The following LIPC variants were observed in gnomAD, a reference collection of about 807,000 sequenced individuals.
LIPC encodes lipase C, hepatic type, also known as hepatic triacylglycerol lipase.
Under a neutral mutation model 50.7 loss-of-function variants are expected in LIPC, and 44 were observed. The observed-to-expected ratio is 0.87, with a 90% confidence interval of 0.68 to 1.11. The LOEUF (loss-of-function observed/expected upper bound fraction) is 1.11. Among genes scored for constraint, LIPC ranks in the 50% most tolerant of loss-of-function variants. The probability of loss-of-function intolerance (pLI) is 0.00; values close to 1 mark genes in which losing one functional copy is unlikely to be tolerated. For synonymous variants in LIPC, 271 were observed against 256.4 expected (o/e 1.06, Z -0.54); for missense variants, 697 against 648.2 (o/e 1.08, Z -0.82).
In LIPC at chr15:58,548,696, C is replaced by T; in HGVS notation, c.1051+124C>T. The T allele has an allele frequency of 2.3e-6, 3 of 1,313,762 alleles. No homozygotes were observed. In the Admixed American group the frequency reaches 6.0e-5, roughly 26 times the overall value. The allele number at this position is 1,313,762 out of a possible 1,614,324, so 81.4% of individuals were successfully genotyped here. ...CTCTGCTGTTGCGGTGTTTCTGAAA[C>T]TGTGCAGGCTCCAGACAGCAACGTT... On this transcript the variant is annotated intron_variant, in intron 6 of 8. Coordinates refer to ENST00000299022, the MANE Select transcript of LIPC (RefSeq NM_000236.3).
chr15:58,514,071 C>T (rs1281285091), intron 1 of LIPC, among the ~76,000 whole-genome samples: 1 of 152,178 alleles, frequency 6.6e-6, no homozygotes, highest in Non-Finnish European at 1.5e-5. Flanking sequence ...AGAATGACAA[C>T]AGAGTGGTAC....
rs6082 is a variant in LIPC, at chr15:58,545,758, A to G, written c.591A>G (p.Gly197=). The G allele has an allele frequency of 0.098, 158,113 of 1,613,402 alleles. 11,312 individuals carry two copies. The highest frequency in any genetic ancestry group is 0.44 in the East Asian group (19,640 of 44,852). The change falls in exon 5 of 9, where the codon GGA becomes GGG. Residue 197 remains glycine (G), a synonymous_variant. Coordinates refer to ENST00000299022, the MANE Select transcript of LIPC (RefSeq NM_000236.3). Reference sequence around the variant, plus strand: ...TCCCATTAGGGCTGGATGCCGCGGGACCTTTGTTTGAGGGAAGTGCCCCCA... The same window carrying G: ...TCCCATTAGGGCTGGATGCCGCGGGGCCTTTGTTTGAGGGAAGTGCCCCCA... The part of the protein sequence containing the change: ...IGRITGLDAA[G]PLFEGSAPSN...
At chr15:58,455,811 C>T (rs1457972800) in intron 1 of LIPC, among the ~76,000 whole-genome samples, 1 of 152,044 alleles carries the variant, frequency 6.6e-6, no homozygotes, top group Non-Finnish European at 1.5e-5. Flanking sequence ...ATGAAATGCA[C>T]AATATATGCA....
At chr15:58,523,405 C>A (rs1180006820) in intron 1 of LIPC, 1 of 152,196 alleles carries the variant, frequency 6.6e-6, no homozygotes, top group Non-Finnish European at 1.5e-5. Flanking sequence ...GAAGGTGCAA[C>A]TGAAGGCAAG....
chr15:58,533,163 A>T (rs1358109023), intron 1 of LIPC: 1 of 985,212 alleles, frequency 1.0e-6, no homozygotes, highest in Non-Finnish European at 1.2e-6. Context: ...TTCTGAAGAC[A>T]TGAGAAAAGC....
chr15:58,487,006 T>C (rs114123359), intron 1 of LIPC, among the ~76,000 whole-genome samples: 4 of 152,296 alleles, frequency 2.6e-5, no homozygotes, highest in African/African-American at 9.6e-5. Flanking sequence ...CCCTCCTGCG[T>C]GTGTACCTCA....
chr15:58,533,435 G>T (rs552958850), intron 1 of LIPC, among the ~76,000 whole-genome samples: 1 of 152,264 alleles, frequency 6.6e-6, no homozygotes, highest in African/African-American at 2.4e-5. Context: ...AGGATCACAC[G>T]TAAGGAACTG....
At chr15:58,567,344 T>C (rs190316834) in intron 8 of LIPC, among the ~76,000 whole-genome samples, 282 of 16,380 alleles carry the variant, frequency 0.017, 3 homozygotes, top group East Asian at 0.17. Flanking sequence ...TATATGTATA[T>C]GTATATATAT....
chr15:58,559,906 G>A (rs1405719350), intron 6 of LIPC, among the ~76,000 whole-genome samples: 1 of 152,102 alleles, frequency 6.6e-6, no homozygotes, highest in Non-Finnish European at 1.5e-5. Flanking sequence ...TGCAAGCTAA[G>A]CAAACACCAT....
chr15:58,546,187 A>G (rs1458649421), intron 5 of LIPC, among the ~76,000 whole-genome samples: 1 of 152,228 alleles, frequency 6.6e-6, no homozygotes, highest in Non-Finnish European at 1.5e-5. Context: ...CAACAGGCCA[A>G]CGCCACGCCC....
intron 6 of LIPC, among the ~76,000 whole-genome samples, chr15:58,554,635 C>G (rs1406618520): frequency 6.6e-6 from 1 of 151,484 alleles, no homozygotes. Flanking sequence ...CGGCTCACAC[C>G]TGTAATCCTA....
chr15:58,505,274 C>T (rs1892110233), intron 1 of LIPC, among the ~76,000 whole-genome samples: 1 of 152,228 alleles, frequency 6.6e-6, no homozygotes, highest in Non-Finnish European at 1.5e-5. Flanking sequence ...TACATATGGT[C>T]CCAGCCCCCC....
At chr15:58,452,056 T>C (rs961686349) in intron 1 of LIPC, among the ~76,000 whole-genome samples, 10 of 152,158 alleles carry the variant, frequency 6.6e-5, no homozygotes, top group Non-Finnish European at 1.2e-4. Context: ...AACCACACTT[T>C]CATTGGCATC....
intron 1 of LIPC, among the ~76,000 whole-genome samples, chr15:58,514,467 G>A (rs1373935906): frequency 6.6e-6 from 1 of 152,136 alleles, no homozygotes; most frequent in African/African-American, 2.4e-5. Flanking sequence ...CATTTTTAAT[G>A]CTATTTGATT....
chr15:58,463,083 G>T (rs947404143), intron 1 of LIPC, among the ~76,000 whole-genome samples: 4 of 152,228 alleles, frequency 2.6e-5, no homozygotes, highest in Non-Finnish European at 4.4e-5. Context: ...CTGGGGGTGT[G>T]TGGCTGTTAG....
intron 6 of LIPC, among the ~76,000 whole-genome samples, chr15:58,552,221 G>A (rs184490013): frequency 5.8e-4 from 89 of 152,340 alleles, no homozygotes; most frequent in Non-Finnish European, 2.9e-4. Context: ...GGCTGGATGT[G>A]TTGTACACGT....
At chr15:58,494,349 T>C (rs1400574936) in intron 1 of LIPC, among the ~76,000 whole-genome samples, 1 of 152,172 alleles carries the variant, frequency 6.6e-6, no homozygotes, top group African/African-American at 2.4e-5. Flanking sequence ...CTTGGGCCAT[T>C]TGAAGGGTGG....
intron 1 of LIPC, among the ~76,000 whole-genome samples, chr15:58,497,073 G>A (rs928574694): frequency 6.6e-6 from 1 of 152,240 alleles, no homozygotes; most frequent in Admixed American, 6.5e-5. Context: ...GTTCCTTGGA[G>A]GTGTCCATTG....
chr15:58,455,406 T>G (rs921139096), intron 1 of LIPC, among the ~76,000 whole-genome samples: 9 of 152,198 alleles, frequency 5.9e-5, no homozygotes, highest in Non-Finnish European at 1.2e-4. Context: ...CATGGATTGC[T>G]AGCCCCTCAT....
Sources: gnomAD v4.1 joint callset for allele counts (sites outside exome capture counted in the v4.1 genomes callset) on GRCh38, gnomAD v4.1.1 for gene constraint, MANE v1.5 for transcripts, NCBI Gene and HGNC (gene_info 2026-07-23, HGNC 2026-07-21) for gene names.